CAB39L: variants seen among roughly 807,000 people sequenced by gnomAD.
CAB39L encodes calcium binding protein 39 like, also known as calcium-binding protein 39-like.
Under a neutral mutation model 39.1 loss-of-function variants are expected in CAB39L, and 23 were observed. That is an observed-to-expected ratio of 0.59 (90% CI 0.42 to 0.83). CAB39L has a LOEUF of 0.83. CAB39L is among the 40% of genes least tolerant of loss of function. The pLI is 0.00. For missense variants in CAB39L, 366 were observed against 391.9 expected (o/e 0.93, Z 0.56); for synonymous variants, 126 against 137.2 (o/e 0.92, Z 0.57).
chr13:49,339,575 A>G, intron 9 of CAB39L, 102 bp downstream of exon 9: 4 of 1,187,156 alleles, frequency 3.4e-6, no homozygotes, highest in South Asian at 3.2e-5. Context: ...TAAAAAAAGG[A>G]TATTTTAATT....
chr13:49,346,976 G>A (rs1484552166), intron 7 of CAB39L, among the ~76,000 whole-genome samples: 1 of 151,982 alleles, frequency 6.6e-6, no homozygotes, highest in Non-Finnish European at 1.5e-5. Context: ...TAACTAAACT[G>A]AGCAACAGTC....
rs1229349577 is a variant in CAB39L at position 49,329,545 on chromosome 13, ATATATATATAT to A, written c.834+2391_834+2401del. ...CATATCTCTTCAATTAAAAAAAAAA[ATATATATATAT>A]ATATATATATATATATATATATATA... On this transcript the variant is annotated intron_variant, in intron 10 of 10. Coordinates refer to ENST00000409308, the MANE Select transcript of CAB39L (RefSeq NM_001079670.3). Among the ~76,000 whole-genome samples the A allele has an allele frequency of 8.6e-3, 730 of 84,498 alleles. 67 individuals carry two copies. The highest frequency in any genetic ancestry group is 0.026 in the East Asian group (55 of 2,096). The allele number at this position is 84,498 out of a possible 152,430, so 55.4% of individuals were successfully genotyped here. A position where few individuals can be genotyped will look rare whatever the true frequency, so the allele number is the denominator to read the frequency against.
intron 1 of CAB39L, among the ~76,000 whole-genome samples, chr13:49,441,012 T>G (rs976492755): frequency 2.0e-5 from 3 of 151,898 alleles, no homozygotes; most frequent in Admixed American, 2.0e-4. Context: ...TGGCTAGAAC[T>G]TCCTACGTAT....
intron 5 of CAB39L, among the ~76,000 whole-genome samples, chr13:49,364,867 T>G (rs1475216434): frequency 6.6e-6 from 1 of 152,214 alleles, no homozygotes; most frequent in Non-Finnish European, 1.5e-5. Context: ...ATGTTCATAC[T>G]ACCCAACGTA....
chr13:49,425,995 C>T (rs1393899968), intron 3 of CAB39L, among the ~76,000 whole-genome samples: 1 of 152,114 alleles, frequency 6.6e-6, no homozygotes, highest in Non-Finnish European at 1.5e-5. Flanking sequence ...CTCTCTGACC[C>T]CTTTAATCCA....
chr13:49,339,047 A>G (rs930147309), intron 9 of CAB39L, among the ~76,000 whole-genome samples: 3 of 152,178 alleles, frequency 2.0e-5, no homozygotes, highest in Admixed American at 6.5e-5. Flanking sequence ...TTTATACTCA[A>G]AAATACAGAT....
chr13:49,402,394 A>G (rs1430256707), intron 3 of CAB39L, among the ~76,000 whole-genome samples: 2 of 152,184 alleles, frequency 1.3e-5, no homozygotes, highest in Non-Finnish European at 2.9e-5. Context: ...GAGGCAATGT[A>G]TGCAGCTTGG....
At chr13:49,398,630 C>T (rs1594056384) in intron 3 of CAB39L, among the ~76,000 whole-genome samples, 1 of 151,996 alleles carries the variant, frequency 6.6e-6, no homozygotes, top group Non-Finnish European at 1.5e-5. Flanking sequence ...TCCAAGATAA[C>T]CAAAACCTGC....
At chr13:49,433,254 G>T (rs1957354525) in intron 3 of CAB39L, 64 bp downstream of exon 3, 6 of 374,786 alleles carry the variant, frequency 1.6e-5, no homozygotes, top group Non-Finnish European at 2.6e-5. Context: ...TTGGTATGTT[G>T]AGCATAGTCT....
chr13:49,422,290 T>C (rs1383015119), intron 3 of CAB39L, among the ~76,000 whole-genome samples: 1 of 152,196 alleles, frequency 6.6e-6, no homozygotes, highest in Non-Finnish European at 1.5e-5. Flanking sequence ...AATTTATTTC[T>C]GGCCGGGCGT....
intron 1 of CAB39L, among the ~76,000 whole-genome samples, 168 bp from the exon 2 acceptor site, chr13:49,434,391 T>C (rs952356575): frequency 1.3e-5 from 2 of 152,214 alleles, no homozygotes; most frequent in African/African-American, 4.8e-5. Context: ...AAACAAATGA[T>C]ATAGCATATA....
intron 9 of CAB39L, among the ~76,000 whole-genome samples, chr13:49,337,249 C>T (rs1007607532): frequency 6.6e-6 from 1 of 152,222 alleles, no homozygotes; most frequent in Non-Finnish European, 1.5e-5. Flanking sequence ...GTGTGTGACA[C>T]TATATCCCAA....
intron 3 of CAB39L, among the ~76,000 whole-genome samples, chr13:49,415,717 T>C (rs1400100485): frequency 6.6e-6 from 1 of 152,160 alleles, no homozygotes; most frequent in Non-Finnish European, 1.5e-5. Context: ...TTAGTGACAC[T>C]AGAATGTGAG....
chr13:49,360,159 G>A (rs181466555), intron 5 of CAB39L, among the ~76,000 whole-genome samples: 92 of 152,120 alleles, frequency 6.0e-4, no homozygotes, highest in Non-Finnish European at 8.8e-4. Flanking sequence ...CTACCTTTAT[G>A]CAAGAAAAAA....
intron 5 of CAB39L, among the ~76,000 whole-genome samples, chr13:49,369,015 A>G (rs1955841396): frequency 6.6e-6 from 1 of 152,214 alleles, no homozygotes; most frequent in African/African-American, 2.4e-5. Flanking sequence ...AAAAAGGGGC[A>G]AAAGATATGA....
chr13:49,328,210 T>C (rs1954557376), intron 10 of CAB39L, among the ~76,000 whole-genome samples: 1 of 152,170 alleles, frequency 6.6e-6, no homozygotes, highest in Non-Finnish European at 1.5e-5. Flanking sequence ...ATTACACCAA[T>C]TTACACAGTG....
chr13:49,405,748 AGGGAG>A (rs1956860686), intron 3 of CAB39L, among the ~76,000 whole-genome samples: 1 of 112,552 alleles, frequency 8.9e-6, no homozygotes. Context: ...GAAGGAAGGA[AGGGAG>A]GGAGGGACGG....
chr13:49,336,640 A>G (rs1270193926), intron 9 of CAB39L, among the ~76,000 whole-genome samples: 1 of 152,074 alleles, frequency 6.6e-6, no homozygotes, highest in Non-Finnish European at 1.5e-5. Flanking sequence ...GGATTTGGAG[A>G]ATTTATGAGC....
intron 3 of CAB39L, among the ~76,000 whole-genome samples, chr13:49,393,706 T>C (rs1286263313): frequency 6.6e-6 from 1 of 151,998 alleles, no homozygotes; most frequent in African/African-American, 2.4e-5. Flanking sequence ...CACTCTATTT[T>C]GTTCTTGAAT....
Sources: gnomAD v4.1 joint callset for allele counts (sites outside exome capture counted in the v4.1 genomes callset) on GRCh38, gnomAD v4.1.1 for gene constraint, MANE v1.5 for transcripts, NCBI Gene and HGNC (gene_info 2026-07-23, HGNC 2026-07-21) for gene names.